Variants in KAZN observed in about 807,000 individuals in gnomAD.
KAZN encodes kazrin, periplakin interacting protein, also known as kazrin.
Under a neutral mutation model 87.4 loss-of-function variants are expected in KAZN, and 40 were observed. The observed-to-expected ratio is 0.46, with a 90% CI of 0.36 to 0.60. KAZN has a LOEUF of 0.60. Among genes scored for constraint, KAZN ranks in the 20% least tolerant of loss-of-function variants. The pLI, the probability that KAZN is intolerant of heterozygous loss-of-function variation, is 0.00. For missense variants in KAZN, 898 were observed against 1,073.9 expected, an observed-to-expected ratio of 0.84 and a Z score of 2.29; for synonymous variants, 466 against 458.3, an observed-to-expected ratio of 1.02 and a Z score of -0.22.
chr1:14,774,325 G>A (rs750434989), intron 1 of KAZN, among the ~76,000 whole-genome samples: 3 of 152,026 alleles, frequency 2.0e-5, no homozygotes, highest in Non-Finnish European at 4.4e-5. Flanking sequence ...AGGCTCATTA[G>A]GGGGATTCGA....
intron 2 of KAZN, among the ~76,000 whole-genome samples, chr1:14,319,260 C>G (rs1377594943): frequency 6.6e-6 from 1 of 151,808 alleles, no homozygotes; most frequent in Admixed American, 6.6e-5. Context: ...AAGCCTTTAC[C>G]CTACTAAAAT....
chr1:14,076,810 A>G (rs1213009637), intron 1 of KAZN, among the ~76,000 whole-genome samples: 3 of 152,164 alleles, frequency 2.0e-5, no homozygotes, highest in African/African-American at 7.2e-5. Flanking sequence ...TCCTGCTCTC[A>G]ACTCTCCTGT....
intron 1 of KAZN, among the ~76,000 whole-genome samples, chr1:14,819,196 G>C (rs1314765996): frequency 6.6e-6 from 1 of 152,198 alleles, no homozygotes; most frequent in Non-Finnish European, 1.5e-5. Context: ...GGTATAGAAG[G>C]ACTCGTTCAA....
rs899743779 is a variant in KAZN, at chr1:14,834,696, C to T, written c.227-125988C>T. 2.6e-5 allele frequency among the ~76,000 whole-genome samples: 4 copies of T among 151,980 alleles called. No homozygotes were observed. The South Asian group carries it at 6.2e-4, about 24-fold the overall frequency. ...CATTTTAAAATTAGCATTATGTGCT[C>T]GACAAATTTGTATCGAGTAACTTGC... On this transcript the variant is annotated intron_variant, in intron 1 of 14. Transcript: ENST00000376030.
At chr1:14,816,834 A>G (rs548973149) in intron 1 of KAZN, among the ~76,000 whole-genome samples, 87 of 152,322 alleles carry the variant, frequency 5.7e-4, no homozygotes, top group African/African-American at 2.1e-3. Context: ...GGATGGATAG[A>G]TGATTGATAG....
chr1:14,947,671 G>C (rs1467928640), intron 1 of KAZN, among the ~76,000 whole-genome samples: 1 of 117,920 alleles, frequency 8.5e-6, no homozygotes, highest in East Asian at 2.3e-4. Flanking sequence ...CCAGCTCTGT[G>C]ACCTTGAACA....
intron 1 of KAZN, among the ~76,000 whole-genome samples, chr1:13,921,992 T>C (rs1431106394): frequency 6.6e-6 from 1 of 152,166 alleles, no homozygotes; most frequent in Non-Finnish European, 1.5e-5. Flanking sequence ...AGAGCAGGGA[T>C]TGGGTTTTTT....
At chr1:14,161,249 CAG>C in intron 1 of KAZN, among the ~76,000 whole-genome samples, 1 of 152,328 alleles carries the variant, frequency 6.6e-6, no homozygotes, top group South Asian at 2.1e-4. Context: ...AAAACAATAA[CAG>C]ATCCTTATCT....
At chr1:14,213,972 A>T (rs530315440) in intron 2 of KAZN, among the ~76,000 whole-genome samples, 2 of 152,240 alleles carry the variant, frequency 1.3e-5, no homozygotes, top group Non-Finnish European at 2.9e-5. Flanking sequence ...GCCACTTACC[A>T]AGAGTGAAGA....
Position 14,778,885 on chromosome 1 carries a change from A to G in KAZN, c.226+179662A>G, listed in dbSNP as rs181985695. 2.5e-4 allele frequency among the ~76,000 whole-genome samples: 38 copies of G among 152,278 alleles called. 1 individual carries two copies. Among genetic ancestry groups the G allele is most frequent in the Non-Finnish European group, 4.9e-4 (33 of 68,018 alleles). ...GGAACTTTCATGAGACTGCATTTGG[A>G]CAGCAGCTGGGCTGAGATGTCCAAG... On this transcript the variant is annotated intron_variant, in intron 1 of 14. Coordinates refer to ENST00000376030, the MANE Select transcript of KAZN (RefSeq NM_201628.3).
intron 1 of KAZN, among the ~76,000 whole-genome samples, chr1:14,003,561 T>G (rs1285743292): frequency 6.6e-6 from 1 of 151,624 alleles, no homozygotes; most frequent in Non-Finnish European, 1.5e-5. Context: ...AAAGAGAAAG[T>G]CCAGAAATAT....
chr1:14,105,027 A>G (rs1013309291), intron 1 of KAZN, among the ~76,000 whole-genome samples: 1 of 152,132 alleles, frequency 6.6e-6, no homozygotes, highest in Non-Finnish European at 1.5e-5. Flanking sequence ...GTCTTGTTGG[A>G]ACTCTCATAA....
intron 12 of KAZN, among the ~76,000 whole-genome samples, 166 bp from the exon 13 acceptor site, chr1:15,103,857 G>A (rs997868666): frequency 6.6e-5 from 10 of 152,024 alleles, no homozygotes; most frequent in South Asian, 2.1e-4. Context: ...CCCTGACCTC[G>A]TGGCTCTAAA....
intron 8 of KAZN, among the ~76,000 whole-genome samples, chr1:15,073,433 G>A (rs1306709844): frequency 6.6e-6 from 1 of 152,192 alleles, no homozygotes; most frequent in Non-Finnish European, 1.5e-5. Flanking sequence ...AGACTCGCCA[G>A]GGCCATCACA....
At chr1:14,946,828 G>A (rs1458418219) in intron 1 of KAZN, among the ~76,000 whole-genome samples, 1 of 152,194 alleles carries the variant, frequency 6.6e-6, no homozygotes, top group Non-Finnish European at 1.5e-5. Flanking sequence ...CCAGCTCATG[G>A]TATAGCCAGT....
At position 15,044,102 on chromosome 1, in the gene KAZN, C is replaced by T; in HGVS notation, c.669C>T (p.Arg223=). The T allele has an allele frequency of 6.2e-7, 1 of 1,612,440 alleles. No homozygotes were observed. Among genetic ancestry groups the T allele is most frequent in the Non-Finnish European group, 8.5e-7 (1 of 1,179,560 alleles). The change falls in exon 4 of 15, where the codon CGC becomes CGT. Residue 223 remains arginine, a synonymous_variant. Transcript: ENST00000376030. ...KEATDHATAL[R]SQLDLKDNRM... ...CCACAGACCACGCCACGGCACTGCG[C>T]TCCCAGCTGGACCTCAAGGACAACC...
At chr1:15,013,135 C>T (rs1669743516) in intron 2 of KAZN, among the ~76,000 whole-genome samples, 1 of 152,202 alleles carries the variant, frequency 6.6e-6, no homozygotes, top group African/African-American at 2.4e-5. Context: ...GCAATAAGGC[C>T]TCCCTCCTGT....
At chr1:13,920,859 G>C (rs1305561496) in intron 1 of KAZN, among the ~76,000 whole-genome samples, 2 of 152,164 alleles carry the variant, frequency 1.3e-5, no homozygotes, top group Non-Finnish European at 2.9e-5. Context: ...GATGTTTTTG[G>C]GCTGGATTTA....
intron 2 of KAZN, among the ~76,000 whole-genome samples, chr1:14,498,757 G>A (rs1461182907): frequency 2.0e-5 from 3 of 151,940 alleles, no homozygotes; most frequent in African/African-American, 7.2e-5. Context: ...GAAGAGATAG[G>A]AGTCTGGGTA....
Sources: gnomAD v4.1 joint callset for allele counts (sites outside exome capture counted in the v4.1 genomes callset) on GRCh38, gnomAD v4.1.1 for gene constraint, MANE v1.5 for transcripts, NCBI Gene and HGNC (gene_info 2026-07-23, HGNC 2026-07-21) for gene names.